The following FREM3 variants were observed in gnomAD, a reference collection of about 807,000 sequenced individuals.
FREM3 encodes the protein FRAS1 related extracellular matrix 3.
Under a neutral mutation model 129.1 loss-of-function variants are expected in FREM3, and 105 were observed. The ratio of observed to expected loss-of-function variants is 0.81; its 90% CI spans 0.69 to 0.96. The LOEUF (loss-of-function observed/expected upper bound fraction) is 0.96. FREM3 is among the 40% of genes least tolerant of loss of function. The pLI is 0.00. For missense variants in FREM3, 2,593 were observed against 2,666.3 expected (o/e 0.97, Z 0.61); for synonymous variants, 1,014 against 1,044.9 (o/e 0.97, Z 0.57).
chr4:143,610,052 TGAA>T, intron 6 of FREM3, among the ~76,000 whole-genome samples: 1 of 152,324 alleles, frequency 6.6e-6, no homozygotes. Context: ...TTAATTCCAA[TGAA>T]GAAATTTTTG....
intron 2 of FREM3, among the ~76,000 whole-genome samples, chr4:143,682,434 C>T (rs764144205): frequency 6.6e-6 from 1 of 152,138 alleles, no homozygotes; most frequent in Non-Finnish European, 1.5e-5. Flanking sequence ...TGCGGGCTAC[C>T]ACTTCTGTTA....
chr4:143,695,102 A>C (rs2149863653), intron 1 of FREM3, among the ~76,000 whole-genome samples: 1 of 152,344 alleles, frequency 6.6e-6, no homozygotes, highest in East Asian at 1.9e-4. Flanking sequence ...AAACATCTTC[A>C]AAAACCTGGA....
At position 143,699,339 on chromosome 4, in the gene FREM3, C is replaced by T; in HGVS notation, c.1337G>A (p.Gly446Asp). 7.8e-6 allele frequency: 12 copies of T among 1,537,322 alleles called. No individual in the cohort carries two copies. Among genetic ancestry groups the T allele is most frequent in the Non-Finnish European group, 9.6e-6 (11 of 1,146,932 alleles). The change falls in exon 1 of 8, where the codon GGT becomes GAT. Residue 446 changes from glycine to aspartate, a missense_variant. Around this residue, in one of 2 missense-constraint regions of FREM3, gnomAD observed 2,276 missense variants for 2,267.2 expected, o/e 1.00. Transcript: ENST00000329798. The surrounding 1 kb of genome is among the most constrained non-coding windows in gnomAD (Gnocchi z 4.2). ...GGTGCTGGACAAGGGCCTTGACTGACCTTCAAAAAGCACAAGTCCCCTGTT... is the reference window on the plus strand; with the variant it reads ...GGTGCTGGACAAGGGCCTTGACTGATCTTCAAAAAGCACAAGTCCCCTGTT... ...SHNRGLVLFE[G>D]QSRPLSSTHS...
At chr4:143,677,701 A>G (rs1740170125) in intron 2 of FREM3, among the ~76,000 whole-genome samples, 1 of 151,892 alleles carries the variant, frequency 6.6e-6, no homozygotes, top group African/African-American at 2.4e-5. Flanking sequence ...TGACAAGAAA[A>G]CAACAACCCC....
intron 2 of FREM3, among the ~76,000 whole-genome samples, chr4:143,681,169 G>C (rs1740241675): frequency 2.0e-5 from 3 of 151,966 alleles, no homozygotes; most frequent in Admixed American, 6.6e-5. Context: ...TTATTAGAAG[G>C]AATTGACTTG....
intron 2 of FREM3, among the ~76,000 whole-genome samples, chr4:143,673,593 A>G (rs543017695): frequency 7.9e-4 from 121 of 152,276 alleles, no homozygotes; most frequent in African/African-American, 2.9e-3. Flanking sequence ...ACTCCATGCT[A>G]GGAGAACCAC....
At position 143,697,348 on chromosome 4, in the gene FREM3, T is replaced by A. The variant is rs2149864641; in HGVS notation, c.3328A>T (p.Thr1110Ser). The A allele has an allele frequency of 1.3e-6, 2 of 1,537,222 alleles. No homozygotes were observed. The highest frequency in any genetic ancestry group is 2.4e-5 in the East Asian group (1 of 40,912). ...THQDELLCTV[T>S]SQPASGYLEK... ...AGGTAGCCAGAGGCTGGCTGACTAG[T>A]CACTGTGCAGAGGAGTTCATCTTGA... The change falls in exon 1 of 8, where the codon ACT becomes TCT. Residue 1110 changes from threonine (T) to serine (S), a missense_variant. Around this residue, in one of 2 missense-constraint regions of FREM3, gnomAD observed 2,276 missense variants for 2,267.2 expected, o/e 1.00. Coordinates refer to ENST00000329798, the MANE Select transcript of FREM3 (RefSeq NM_001168235.2).
chr4:143,696,326 G>C lies in FREM3; in HGVS notation c.4350C>G (p.Thr1450=), dbSNP rs1016353655. The change falls in exon 1 of 8, where the codon ACC becomes ACG. Residue 1450 remains threonine (T), a synonymous_variant. Transcript: ENST00000329798. ...CATCAGAGCTGTTGATGTCACTGTT[G>C]GTAAGCAGATTGTTGGTAAGGGTCA... ...ARVTLTNNLL[T]NSDINSSDEH... 2.6e-6 allele frequency: 4 copies of C among 1,537,386 alleles called. No homozygotes were observed. The highest frequency in any genetic ancestry group is 1.4e-5 in the African/African-American group (1 of 73,128).
chr4:143,694,479 T>C (rs80047688), intron 1 of FREM3, among the ~76,000 whole-genome samples: 1 of 152,244 alleles, frequency 6.6e-6, no homozygotes, highest in Admixed American at 6.5e-5. Flanking sequence ...ATAATTATGT[T>C]TTTATATTGG....
rs1033251209 is a variant in FREM3, at chr4:143,633,168, C to T, written c.5276-5408G>A. 3.3e-5 allele frequency among the ~76,000 whole-genome samples: 5 copies of T among 152,114 alleles called. No individual in the cohort carries two copies. In the East Asian group the frequency reaches 9.6e-4, roughly 29 times the overall value. ...GTCCAGTGACAACTGTACCTAGTGG[C>T]AACGGTCATCCACAGAGTGCTGTTG... On this transcript the variant is annotated intron_variant, in intron 2 of 7. Transcript: ENST00000329798.
chr4:143,586,446 C>T (rs1738245949), intron 6 of FREM3, among the ~76,000 whole-genome samples: 1 of 151,996 alleles, frequency 6.6e-6, no homozygotes, highest in Non-Finnish European at 1.5e-5. Context: ...TATGGCTATG[C>T]CTTTTCTTAG....
In FREM3 at chr4:143,698,256, T is replaced by G; in HGVS notation, c.2420A>C (p.Glu807Ala). 6.5e-7 allele frequency: 1 copy of G among 1,537,534 alleles called. No individual in the cohort carries two copies. Among genetic ancestry groups the G allele is most frequent in the Non-Finnish European group, 8.7e-7 (1 of 1,146,962 alleles). Residue 807 changes from glutamate to alanine, a missense_variant, in exon 1 of 8, where the codon GAA becomes GCA. Around this residue, in one of 2 missense-constraint regions of FREM3, gnomAD observed 2,276 missense variants for 2,267.2 expected, o/e 1.00. Coordinates refer to ENST00000329798, the MANE Select transcript of FREM3 (RefSeq NM_001168235.2). ...TGGCACGCTATTGCCTGCAGCATCT[T>G]CCACCTGGTAAGTAAACTGCACAAC... ...PRVVQFTYQVEDAAGNSVPGT... is the reference protein window; with the variant it reads ...PRVVQFTYQVADAAGNSVPGT...
At chr4:143,671,870 G>A (rs148036169) in intron 2 of FREM3, among the ~76,000 whole-genome samples, 127 of 152,314 alleles carry the variant, frequency 8.3e-4, no homozygotes, top group African/African-American at 2.8e-3. Context: ...CGAAATAAAC[G>A]TGTGAGCAGG....
At chr4:143,617,249 C>G (rs1738869081) in intron 5 of FREM3, among the ~76,000 whole-genome samples, 1 of 151,930 alleles carries the variant, frequency 6.6e-6, no homozygotes, top group South Asian at 2.1e-4. Flanking sequence ...CTAGGGGACA[C>G]TTGGCAATGT....
chr4:143,633,014 A>G (rs1410192359), intron 2 of FREM3, among the ~76,000 whole-genome samples: 2 of 152,192 alleles, frequency 1.3e-5, no homozygotes, highest in Admixed American at 1.3e-4. Flanking sequence ...TTGCCAATGT[A>G]GCTTGAGACT....
intron 2 of FREM3, among the ~76,000 whole-genome samples, chr4:143,679,725 T>A (rs913270567): frequency 2.0e-5 from 3 of 152,130 alleles, no homozygotes; most frequent in Non-Finnish European, 2.9e-5. Context: ...ATCTGCTCCA[T>A]TGCCTCTCAT....
Position 143,697,455 on chromosome 4 carries a change from A to G in FREM3, c.3221T>C (p.Val1074Ala), listed in dbSNP as rs1330732928. ...TTCATAGACAATGAAGGACTCCCCG[A>G]CGAAGACCTTGGGTCCCACATTGTC... ...PVDNVGPKVFVGESFIVYEGE... is the reference protein window; with the variant it reads ...PVDNVGPKVFAGESFIVYEGE... The change falls in exon 1 of 8, where the codon GTC (valine) becomes GCC (alanine). Residue 1074 changes from valine to alanine, a missense_variant. This residue lies in a region of FREM3 where 2,276 missense variants were observed against 2,267.2 expected (regional missense o/e 1.00). Coordinates refer to ENST00000329798, the MANE Select transcript of FREM3 (RefSeq NM_001168235.2). 2.0e-6 allele frequency: 3 copies of G among 1,537,198 alleles called. No homozygotes were observed. The highest frequency in any genetic ancestry group is 1.7e-6 in the Non-Finnish European group (2 of 1,146,856).
At chr4:143,677,666 G>C (rs1326411474) in intron 2 of FREM3, among the ~76,000 whole-genome samples, 1 of 152,132 alleles carries the variant, frequency 6.6e-6, no homozygotes, top group Non-Finnish European at 1.5e-5. Context: ...CTAATATCCA[G>C]AATCTACAAA....
At chr4:143,688,554 C>T (rs539790730) in intron 2 of FREM3, among the ~76,000 whole-genome samples, 5 of 152,200 alleles carry the variant, frequency 3.3e-5, no homozygotes, top group African/African-American at 7.2e-5. Flanking sequence ...CAAAAAAGAG[C>T]CTGTATAGCC....
Sources: allele counts gnomAD v4.1 joint callset (sites outside exome capture counted in the v4.1 genomes callset), GRCh38; gene constraint gnomAD v4.1.1; regional missense constraint gnomAD v4.1.1; non-coding constraint Gnocchi (gnomAD v3.1); transcripts MANE v1.5; gene names NCBI Gene and HGNC (gene_info 2026-07-23, HGNC 2026-07-21).